The following RNF2 variants were observed in gnomAD, a reference collection of about 807,000 sequenced individuals.
The protein encoded by RNF2 is ring finger protein 2.
RNF2 carries 6 observed loss-of-function variants against 37.2 expected under a neutral mutation model. The observed-to-expected ratio is 0.16, with a 90% CI of 0.09 to 0.32. RNF2 has a LOEUF of 0.32. Among genes scored for constraint, RNF2 ranks in the 10% least tolerant of loss-of-function variants. The pLI is 1.00. For synonymous variants in RNF2, 133 were observed against 132.7 expected (o/e 1.00, Z -0.02); for missense variants, 251 against 404.0 (o/e 0.62, Z 3.25).
intron 1 of RNF2, among the ~76,000 whole-genome samples, chr1:185,070,993 A>T (rs928166000): frequency 2.0e-5 from 3 of 152,128 alleles, no homozygotes; most frequent in African/African-American, 7.2e-5. Flanking sequence ...TAAGAGTGGG[A>T]TAGAAATGGT....
At position 185,098,151 on chromosome 1, in the gene RNF2, G is replaced by T; in HGVS notation, c.544G>T (p.Ala182Ser). 1 of 1,614,178 alleles carries T rather than the reference G, an allele frequency of 6.2e-7. No homozygotes were observed. Among genetic ancestry groups the T allele is most frequent in the Non-Finnish European group, 8.5e-7 (1 of 1,180,026 alleles). ...DNGDSSHCSN[A>S]STHSNQEAGP... ...TGGTGACAGTTCACACTGCAGTAAT[G>T]CATCCACACATAGCAATCAGGAAGC... is the stretch of plus-strand genomic sequence containing the variant. Residue 182 changes from alanine (A) to serine (S), a missense_variant, in exon 5 of 7, where the codon GCA (alanine) becomes TCA (serine). Ala to Ser is a moderately conservative substitution (Grantham distance 99). Around this residue, in one of 7 missense-constraint regions of RNF2, gnomAD observed 94 missense variants for 99.2 expected, o/e 0.95. Transcript: ENST00000367510.
rs71101959 is a variant in RNF2, at chr1:185,076,268, G to GT, written c.-2-11244dup. On this transcript the variant is annotated intron_variant, in intron 1 of 6. Coordinates refer to ENST00000367510, the MANE Select transcript of RNF2 (RefSeq NM_007212.4). ...TTTTCTTCTAGATCTTTTATGGGTT[G>GT]TTTTTTTTTTTTTTTTTTTTTTTTT... 3.3e-4 allele frequency among the ~76,000 whole-genome samples: 9 copies of GT among 27,344 alleles called. 2 individuals are homozygous for GT. The highest frequency in any genetic ancestry group is 3.8e-4 in the Non-Finnish European group (5 of 13,182). The allele number at this position is 27,344 out of a possible 152,430, so 17.9% of individuals were successfully genotyped here.
At chr1:185,070,089 T>C (rs1557964537) in intron 1 of RNF2, among the ~76,000 whole-genome samples, 2 of 152,238 alleles carry the variant, frequency 1.3e-5, no homozygotes, top group Admixed American at 1.3e-4. Flanking sequence ...CCCTGGTCTT[T>C]TACATGTTAG....
At chr1:185,054,532 C>T (rs539858748) in intron 1 of RNF2, among the ~76,000 whole-genome samples, 4 of 152,028 alleles carry the variant, frequency 2.6e-5, no homozygotes, top group Admixed American at 6.5e-5. Context: ...TTCTCCATTA[C>T]GAGCGCTCTT....
chr1:185,051,652 G>A (rs1350955683), intron 1 of RNF2, among the ~76,000 whole-genome samples: 5 of 151,496 alleles, frequency 3.3e-5, no homozygotes, highest in African/African-American at 9.7e-5. Flanking sequence ...GTAATGGGGT[G>A]TGGGAGGAGT....
intron 1 of RNF2, chr1:185,072,125 G>A (rs531454987): frequency 6.5e-6 from 1 of 152,744 alleles, no homozygotes; most frequent in African/African-American, 2.4e-5. Context: ...GGCTGCTAGA[G>A]GGTGCTGTGA....
intron 1 of RNF2, among the ~76,000 whole-genome samples, chr1:185,050,291 A>T (rs1046152352): frequency 1.3e-5 from 2 of 152,266 alleles, no homozygotes; most frequent in African/African-American, 4.8e-5. Flanking sequence ...TTTCAGTGCA[A>T]TAGCAAATGA....
intron 1 of RNF2, among the ~76,000 whole-genome samples, chr1:185,086,165 A>G (rs747470470): frequency 2.6e-5 from 4 of 151,910 alleles, no homozygotes; most frequent in Non-Finnish European, 4.4e-5. Context: ...AAATTCCCCA[A>G]TCCACCTCTA....
intron 1 of RNF2, among the ~76,000 whole-genome samples, chr1:185,054,542 TC>T (rs779768280): frequency 1.3e-5 from 2 of 152,056 alleles, no homozygotes; most frequent in Non-Finnish European, 2.9e-5. Context: ...CGAGCGCTCT[TC>T]CTGAGAGCGG....
chr1:185,067,492 G>C (rs1352490570), intron 1 of RNF2, among the ~76,000 whole-genome samples: 1 of 152,126 alleles, frequency 6.6e-6, no homozygotes, highest in South Asian at 2.1e-4. Flanking sequence ...AAAAGGAAAA[G>C]AAAAATGCTA....
At chr1:185,076,094 C>T (rs754301157) in intron 1 of RNF2, among the ~76,000 whole-genome samples, 30 of 151,504 alleles carry the variant, frequency 2.0e-4, no homozygotes, top group Non-Finnish European at 1.3e-4. Flanking sequence ...ACATATGTTG[C>T]ACATATTTTT....
intron 1 of RNF2, among the ~76,000 whole-genome samples, chr1:185,079,060 T>A (rs1323284671): frequency 1.3e-5 from 2 of 151,422 alleles, no homozygotes; most frequent in Non-Finnish European, 2.9e-5. Flanking sequence ...TTTCACGGTC[T>A]ACTATGACTA....
intron 1 of RNF2, among the ~76,000 whole-genome samples, chr1:185,061,488 C>G (rs1420980508): frequency 6.6e-6 from 1 of 151,870 alleles, no homozygotes; most frequent in African/African-American, 2.4e-5. Flanking sequence ...AGCACCAAGG[C>G]CAACAGTATA....
chr1:185,077,451 C>T (rs540933842), intron 1 of RNF2, among the ~76,000 whole-genome samples: 114 of 152,042 alleles, frequency 7.5e-4, no homozygotes, highest in Non-Finnish European at 1.2e-3. Context: ...TTGGGACTTC[C>T]GGTAGATTTT....
intron 1 of RNF2, among the ~76,000 whole-genome samples, chr1:185,048,486 TC>T (rs1185414553): frequency 4.6e-5 from 7 of 152,234 alleles, no homozygotes; most frequent in Non-Finnish European, 1.0e-4. Context: ...TTGCCATTTA[TC>T]ATAATTTTTA....
intron 1 of RNF2, among the ~76,000 whole-genome samples, chr1:185,056,457 CAG>C (rs1398626238): frequency 2.0e-5 from 3 of 151,692 alleles, no homozygotes; most frequent in South Asian, 2.1e-4. Flanking sequence ...CTCCTGGGCT[CAG>C]GGGATCCTCC....
chr1:185,070,827 T>G (rs1650949787), intron 1 of RNF2, among the ~76,000 whole-genome samples: 1 of 151,870 alleles, frequency 6.6e-6, no homozygotes, highest in South Asian at 2.1e-4. Flanking sequence ...TAGTAGAGAC[T>G]GGGTTTCACC....
chr1:185,073,019 C>A (rs1012723524), intron 1 of RNF2, among the ~76,000 whole-genome samples: 3 of 147,456 alleles, frequency 2.0e-5, no homozygotes, highest in Non-Finnish European at 4.5e-5. Flanking sequence ...TTTTTAATTG[C>A]TTAAATAGGA....
chr1:185,053,546 G>T (rs1054009768), intron 1 of RNF2, among the ~76,000 whole-genome samples: 1 of 151,552 alleles, frequency 6.6e-6, no homozygotes, highest in Non-Finnish European at 1.5e-5. Flanking sequence ...GTAGAGATCG[G>T]GGTCTCATAT....
Sources: gnomAD v4.1 joint callset for allele counts (sites outside exome capture counted in the v4.1 genomes callset) on GRCh38, gnomAD v4.1.1 for gene constraint, gnomAD v4.1.1 regional missense constraint, MANE v1.5 for transcripts, NCBI Gene and HGNC (gene_info 2026-07-23, HGNC 2026-07-21) for gene names.